Variants in RIMBP2 observed in about 807,000 individuals in gnomAD.
The protein encoded by RIMBP2 is RIMS-binding protein 2.
RIMBP2 carries 48 observed loss-of-function variants against 118.6 expected under a neutral mutation model. The observed-to-expected ratio is 0.40, with a 90% CI of 0.32 to 0.51. RIMBP2 has a LOEUF of 0.51. Ranked by LOEUF, RIMBP2 falls within the 20% of genes least tolerant of loss-of-function variation. RIMBP2 has a pLI of 0.41. For synonymous variants in RIMBP2, 762 were observed against 742.9 expected, an observed-to-expected ratio of 1.03 and a Z score of -0.42; for missense variants, 1,551 against 1,768.3, an observed-to-expected ratio of 0.88 and a Z score of 2.20.
chr12:130,646,572 A>G (rs888649266), intron 1 of RIMBP2, among the ~76,000 whole-genome samples: 4 of 152,106 alleles, frequency 2.6e-5, no homozygotes, highest in African/African-American at 4.8e-5. Context: ...TCTTGCCCCA[A>G]TCCAAGGTCG....
rs114009185 is a variant in RIMBP2 at position 130,588,636 on chromosome 12, G to A, written c.-217+39686C>T. ...ATTGTCAGAACCAGAAAGATTTCAG[G>A]AGACAAGAAAGCGAGTCCAATGCCA... On this transcript the variant is annotated intron_variant, in intron 2 of 22. Transcript: ENST00000690449. Among the ~76,000 whole-genome samples, 481 of 152,318 alleles carry A rather than the reference G, an allele frequency of 3.2e-3. 2 individuals are homozygous for A. Among genetic ancestry groups the A allele is most frequent in the African/African-American group, 0.011 (449 of 41,568 alleles).
At chr12:130,418,309 G>A (rs980843130) in intron 17 of RIMBP2, among the ~76,000 whole-genome samples, 1 of 152,186 alleles carries the variant, frequency 6.6e-6, no homozygotes, top group Admixed American at 6.5e-5. Flanking sequence ...TTATGATTTT[G>A]TTGATAGTCC....
chr12:130,472,411 C>T (rs2081084997), intron 5 of RIMBP2: 1 of 152,244 alleles, frequency 6.6e-6, no homozygotes, highest in East Asian at 1.9e-4. Context: ...GCACCCCTCA[C>T]ACTGACATCA....
In RIMBP2 at chr12:130,511,160, A is replaced by G. The variant is rs2050874461; in HGVS notation, c.-126-4390T>C. Among the ~76,000 whole-genome samples the G allele has an allele frequency of 7.6e-6, 1 of 130,822 alleles. No individual in the cohort carries two copies. Among genetic ancestry groups the G allele is most frequent in the African/African-American group, 2.5e-5 (1 of 39,982 alleles). The allele number at this position is 130,822 out of a possible 152,430, so 85.8% of individuals were successfully genotyped here. A position where few individuals can be genotyped will look rare whatever the true frequency, so the allele number is the denominator to read the frequency against. ...CTTATCAGGAAAAGCAGAGTCAGAG[A>G]CAAAAAAGAGAGAGCTTAGGTGATG... On this transcript the variant is annotated intron_variant, in intron 3 of 22. Transcript: ENST00000690449. The surrounding 1 kb of genome is among the most constrained non-coding windows in gnomAD (Gnocchi z 4.3).
chr12:130,413,451 G>A (rs2075874725), intron 18 of RIMBP2, among the ~76,000 whole-genome samples: 1 of 151,924 alleles, frequency 6.6e-6, no homozygotes, highest in South Asian at 2.1e-4. Flanking sequence ...CTATCATGGT[G>A]AATCCCTGTC....
intron 3 of RIMBP2, among the ~76,000 whole-genome samples, chr12:130,516,806 G>A (rs1169464017): frequency 6.6e-6 from 1 of 152,192 alleles, no homozygotes; most frequent in African/African-American, 2.4e-5. Flanking sequence ...GGCATTGGAA[G>A]GGTCAGAGGA....
chr12:130,515,317 G>A (rs1242766979), intron 3 of RIMBP2, among the ~76,000 whole-genome samples: 1 of 152,084 alleles, frequency 6.6e-6, no homozygotes, highest in African/African-American at 2.4e-5. Context: ...CCCATCTCTA[G>A]AACTCTCTTC....
chr12:130,684,250 C>T (rs943043487), intron 1 of RIMBP2, among the ~76,000 whole-genome samples: 1 of 152,182 alleles, frequency 6.6e-6, no homozygotes. Context: ...CCTACCCCCA[C>T]CCACACTTTG....
At chr12:130,410,019 A>C (rs2075577814) in intron 19 of RIMBP2, among the ~76,000 whole-genome samples, 1 of 152,242 alleles carries the variant, frequency 6.6e-6, no homozygotes, top group African/African-American at 2.4e-5. Flanking sequence ...ACCAGCATGC[A>C]CAGGCCCACC....
At position 130,424,025 on chromosome 12, in the gene RIMBP2, AAGAC is replaced by A. The variant is rs766923909; in HGVS notation, c.3129+113_3129+116del. ...GAAATCAAAAATGCAGGGAAAACGAAAGACAGCCAGCAAGAGAGTCCCCAGGGAT... is the reference window on the plus strand; with the variant it reads ...GAAATCAAAAATGCAGGGAAAACGAAAGCCAGCAAGAGAGTCCCCAGGGAT... On this transcript the variant is annotated intron_variant, in intron 16 of 22. Transcript: ENST00000690449. This position sits in a 1 kb window ranked among gnomAD's most constrained non-coding sequence, Gnocchi z 9.8. The A allele has an allele frequency of 2.5e-5, 13 of 512,360 alleles. No homozygotes were observed. The highest frequency in any genetic ancestry group is 3.3e-5 in the Non-Finnish European group (11 of 330,752). 31.7% of individuals were successfully genotyped at this position (512,360 alleles called of 1,614,324 possible). A position where few individuals can be genotyped will look rare whatever the true frequency, so the allele number is the denominator to read the frequency against.
chr12:130,419,712 G>A lies in RIMBP2; in HGVS notation c.3238+2741C>T, dbSNP rs1593230610. ...AAATAACAAAAAATGGGAGAATACAGAGGAGATATTCAGAGTTGATTCCTA... is the reference window on the plus strand; with the variant it reads ...AAATAACAAAAAATGGGAGAATACAAAGGAGATATTCAGAGTTGATTCCTA... On this transcript the variant is annotated intron_variant, in intron 17 of 22. Coordinates refer to ENST00000690449, the MANE Select transcript of RIMBP2 (RefSeq NM_001393629.1). This position sits in a 1 kb window ranked among gnomAD's most constrained non-coding sequence, Gnocchi z 4.3. The A allele has an allele frequency of 6.6e-6, 1 of 152,184 alleles. No individual in the cohort carries two copies. The highest frequency in any genetic ancestry group is 1.5e-5 in the Non-Finnish European group (1 of 68,042). The allele number at this position is 152,184 out of a possible 1,614,324, so 9.4% of individuals were successfully genotyped here.
chr12:130,682,737 AGGC>A (rs1176522555), intron 1 of RIMBP2, among the ~76,000 whole-genome samples: 1 of 152,208 alleles, frequency 6.6e-6, no homozygotes, highest in African/African-American at 2.4e-5. Context: ...AGGCATTAGG[AGGC>A]AGCGCCCAAT....
intron 2 of RIMBP2, among the ~76,000 whole-genome samples, chr12:130,612,291 G>A (rs1311143189): frequency 6.6e-6 from 1 of 152,104 alleles, no homozygotes; most frequent in East Asian, 1.9e-4. Context: ...TGCGGCCCCG[G>A]GTGTTTCAGT....
chr12:130,684,600 C>T (rs772900330), intron 1 of RIMBP2, among the ~76,000 whole-genome samples: 1 of 152,202 alleles, frequency 6.6e-6, no homozygotes, highest in Non-Finnish European at 1.5e-5. Context: ...AGTTTGATAA[C>T]ATTTACTAAA....
intron 2 of RIMBP2, among the ~76,000 whole-genome samples, chr12:130,548,517 T>A (rs756509856): frequency 3.9e-5 from 6 of 152,172 alleles, no homozygotes; most frequent in Non-Finnish European, 8.8e-5. Flanking sequence ...CCATCTCTGA[T>A]CTTTCCCAGG....
intron 1 of RIMBP2, among the ~76,000 whole-genome samples, chr12:130,646,578 G>T (rs1248741247): frequency 2.0e-5 from 3 of 151,998 alleles, no homozygotes; most frequent in Non-Finnish European, 2.9e-5. Context: ...CCCAATCCAA[G>T]GTCGCAAGCA....
At chr12:130,492,602 TC>T (rs2048746132) in intron 4 of RIMBP2, among the ~76,000 whole-genome samples, 1 of 152,224 alleles carries the variant, frequency 6.6e-6, no homozygotes, top group Admixed American at 6.5e-5. Context: ...ACACACAGTT[TC>T]TGTCCTGCCC....
chr12:130,413,788 C>T (rs1327351967), intron 18 of RIMBP2, among the ~76,000 whole-genome samples: 5 of 152,164 alleles, frequency 3.3e-5, no homozygotes, highest in Admixed American at 6.5e-5. Context: ...TCCCTCCTTC[C>T]TCTCTTCCCT....
chr12:130,506,431 T>C (rs1160238220), intron 4 of RIMBP2, among the ~76,000 whole-genome samples: 1 of 152,160 alleles, frequency 6.6e-6, no homozygotes, highest in East Asian at 1.9e-4. Context: ...AAATGCATAA[T>C]TGGCTTTACG....
Sources: allele counts gnomAD v4.1 joint callset (sites outside exome capture counted in the v4.1 genomes callset), GRCh38; gene constraint gnomAD v4.1.1; non-coding constraint Gnocchi (gnomAD v3.1); transcripts MANE v1.5; gene names NCBI Gene and HGNC (gene_info 2026-07-23, HGNC 2026-07-21).